SBF1: variants seen among roughly 807,000 people sequenced by gnomAD.
SBF1 encodes SET binding factor 1.
A neutral mutation model predicts 215.8 loss-of-function variants in SBF1; 65 were observed. That is an observed-to-expected ratio of 0.30 (90% CI 0.25 to 0.37). The LOEUF is 0.37. Ranked by LOEUF, SBF1 falls within the 10% of genes least tolerant of loss-of-function variation. The pLI, the probability that SBF1 is intolerant of heterozygous loss-of-function variation, is 1.00. For synonymous variants in SBF1, 1,410 were observed against 1,122.8 expected, an observed-to-expected ratio of 1.26 and a Z score of -5.11; for missense variants, 2,634 against 2,667.8, an observed-to-expected ratio of 0.99 and a Z score of 0.28.
chr22:50,459,039 A>AGGTCAGGGCACACACCT (rs1310993100), intron 28 of SBF1, among the ~76,000 whole-genome samples: 8 of 152,098 alleles, frequency 5.3e-5, no homozygotes, highest in Non-Finnish European at 1.0e-4. Context: ...GGCGGGCAGG[A>AGGTCAGGGCACACACCT]GGTCAGGGCA....
chr22:50,461,412 C>A lies in SBF1; in HGVS notation c.2839+111G>T, dbSNP rs1254332986. The A allele has an allele frequency of 3.4e-6, 5 of 1,490,318 alleles. No individual in the cohort carries two copies. The East Asian group carries it at 1.1e-4, about 34-fold the overall frequency. The allele number at this position is 1,490,318 out of a possible 1,614,324, so 92.3% of individuals were successfully genotyped here. ...GAAGGAGCAGACAAAGGCCCGTTTC[C>A]CACGGGCACCCAGAACCCCCGAGAA... On this transcript the variant is annotated intron_variant, in intron 22 of 40. Transcript: ENST00000380817.
In SBF1 at chr22:50,468,580, C is replaced by G. The variant is rs963190383; in HGVS notation, c.56-119G>C. ...GGCCCTCATCTGGCACCAGATCAGC[C>G]ACAGCTCCCTAAAAATAGCTCCGTA... is the stretch of plus-strand genomic sequence containing the variant. On this transcript the variant is annotated intron_variant, in intron 1 of 40. Transcript: ENST00000380817. 7.6e-6 allele frequency: 5 copies of G among 661,312 alleles called. No homozygotes were observed. In the Admixed American group the frequency reaches 1.6e-4, roughly 21 times the overall value. 41.0% of individuals were successfully genotyped at this position (661,312 alleles called of 1,614,324 possible).
chr22:50,474,850 C>T lies in SBF1; in HGVS notation c.-10G>A, dbSNP rs1477967999. 2 of 1,412,628 alleles carry T rather than the reference C, an allele frequency of 1.4e-6. No individual in the cohort carries two copies. The highest frequency in any genetic ancestry group is 2.9e-5 in the Admixed American group (1 of 34,662). The allele number at this position is 1,412,628 out of a possible 1,614,324, so 87.5% of individuals were successfully genotyped here. On this transcript the variant is annotated 5_prime_UTR_variant, in exon 1 of 41. Transcript: ENST00000380817. ...CCGCGAGCCGCGCCATGGCGAGGGA[C>T]GCGGGGCGGCCCGAGGGGCGCGGGC...
rs755836294 is a variant in SBF1, at chr22:50,461,867, T to C, written c.2572A>G (p.Ile858Val). ...AGGGTCTCGATGTGCATCTGGACAA[T>C]GTCTGGGGGAAGACAGTTCTCACAC... Reference protein sequence around the residue: ...LKGLHVMVPDIVQMHIETLEA... With the variant: ...LKGLHVMVPDVVQMHIETLEA... Residue 858 changes from isoleucine (I) to valine (V), a missense_variant and splice_region_variant, in exon 21 of 41, where the codon ATT becomes GTT. Physicochemically the swap from Ile to Val is conservative, Grantham distance 29. Coordinates refer to ENST00000380817, the MANE Select transcript of SBF1 (RefSeq NM_002972.4). 19 of 1,614,004 alleles carry C rather than the reference T, an allele frequency of 1.2e-5. No homozygotes were observed. The South Asian group carries it at 1.4e-4, about 12-fold the overall frequency.
At chr22:50,465,439 T>G in intron 10 of SBF1, 111 bp from the exon 11 acceptor site, 1 of 902,488 alleles carries the variant, frequency 1.1e-6, no homozygotes, top group Non-Finnish European at 1.7e-6. Context: ...GCTCCCATCC[T>G]TCTGCCCCTC....
At chr22:50,473,100 ACTCT>A (rs2068052498) in intron 1 of SBF1, among the ~76,000 whole-genome samples, 1 of 151,500 alleles carries the variant, frequency 6.6e-6, no homozygotes, top group African/African-American at 2.4e-5. Context: ...TGTGGAGCCC[ACTCT>A]GCCTCTTCTC....
intron 36 of SBF1, 65 bp downstream of exon 36, chr22:50,454,447 G>A (rs1569509879): frequency 1.2e-5 from 17 of 1,402,076 alleles, no homozygotes; most frequent in South Asian, 8.1e-5. Context: ...ACACACGCAC[G>A]ACCCTGGTGT....
rs2067812432 is a variant in SBF1 at position 50,467,362 on chromosome 22, A to G, written c.525T>C (p.Thr175=). 1.5e-5 allele frequency: 25 copies of G among 1,614,128 alleles called. No individual in the cohort carries two copies. Among genetic ancestry groups the G allele is most frequent in the Non-Finnish European group, 1.8e-5 (21 of 1,179,998 alleles). The part of the protein sequence containing the change: ...ENVIGNLLTC[T]VPLAGGSQRT... ...CCTGCGAGCCCCCAGCCAGGGGCACAGTGCACGTCAGCAGGTTCCCAATCA... is the reference window on the plus strand; with the variant it reads ...CCTGCGAGCCCCCAGCCAGGGGCACGGTGCACGTCAGCAGGTTCCCAATCA... Residue 175 remains threonine, a synonymous_variant, in exon 5 of 41, where the codon ACT becomes ACC. Coordinates refer to ENST00000380817, the MANE Select transcript of SBF1 (RefSeq NM_002972.4).
chr22:50,461,130 G>A (rs778342627), intron 23 of SBF1, 29 bp downstream of exon 23: 6 of 1,568,044 alleles, frequency 3.8e-6, no homozygotes, highest in Admixed American at 1.9e-5. Context: ...GGCGGGGGAT[G>A]AGAGCCCCAC....
At chr22:50,448,200 G>A (rs758673894) in intron 38 of SBF1, 33 bp downstream of exon 38, 3 of 1,595,944 alleles carry the variant, frequency 1.9e-6, no homozygotes, top group Non-Finnish European at 2.6e-6. Flanking sequence ...CAGCTCAGAG[G>A]TGTCCATGTG....
chr22:50,448,596 T>C lies in SBF1; in HGVS notation c.5098A>G (p.Thr1700Ala), dbSNP rs1442020258. 6.2e-7 allele frequency: 1 copy of C among 1,612,184 alleles called. No homozygotes were observed. The highest frequency in any genetic ancestry group is 8.5e-7 in the Non-Finnish European group (1 of 1,180,020). ...TGTGCAGCCTTCACCCGGTCCCAGG[T>C]GTCCTTCCAGCGCTCAGCGGGTTGG... is the stretch of plus-strand genomic sequence containing the variant. ...LGQPAERWKDTWDRVKAAQRL... is the reference protein window; with the variant it reads ...LGQPAERWKDAWDRVKAAQRL... Residue 1700 changes from threonine (T) to alanine (A), a missense_variant, in exon 37 of 41, where the codon ACC becomes GCC. Transcript: ENST00000380817.
At position 50,456,230 on chromosome 22, in the gene SBF1, C is replaced by CT; in HGVS notation, c.4251dup (p.Glu1418ArgfsTer111). 1.2e-6 allele frequency: 2 copies of CT among 1,611,962 alleles called. No homozygotes were observed. Among genetic ancestry groups the CT allele is most frequent in the Non-Finnish European group, 8.5e-7 (1 of 1,179,846 alleles). On this transcript the variant is annotated frameshift_variant, in exon 31 of 41. Coordinates refer to ENST00000380817, the MANE Select transcript of SBF1 (RefSeq NM_002972.4). LOFTEE classifies it high-confidence loss of function. ...AGTGCAGAGACCTGGATCAGCCACT[C>CT]TGAGTCCTCCAGTGAGCGCAGGAAG...
At chr22:50,473,064 G>A (rs933645100) in intron 1 of SBF1, among the ~76,000 whole-genome samples, 3 of 152,176 alleles carry the variant, frequency 2.0e-5, no homozygotes, top group Non-Finnish European at 2.9e-5. Context: ...CTCCAGCAGT[G>A]AGCACACACG....
rs761050386 is a variant in SBF1 at position 50,462,909 on chromosome 22, A to C, written c.1929T>G (p.Ile643Met). 2.5e-6 allele frequency: 4 copies of C among 1,613,254 alleles called. No individual in the cohort carries two copies. Among genetic ancestry groups the C allele is most frequent in the Non-Finnish European group, 3.4e-6 (4 of 1,179,920 alleles). ...QDCTSLDEHG[I>M]AAALLPLVTA... is the part of the protein sequence containing the mutation. Reference sequence around the variant, plus strand: ...TGACCAGAGGCAGCAGAGCCGCCGCAATGCCATGCTCGTCCAGAGAAGTGC... The same window carrying C: ...TGACCAGAGGCAGCAGAGCCGCCGCCATGCCATGCTCGTCCAGAGAAGTGC... Residue 643 changes from isoleucine (I) to methionine (M), a missense_variant, in exon 17 of 41, where the codon ATT (isoleucine) becomes ATG (methionine). Physicochemically the swap from Ile to Met is conservative, Grantham distance 10 (BLOSUM62 1). Transcript: ENST00000380817.
At position 50,459,356 on chromosome 22, in the gene SBF1, T is replaced by C; in HGVS notation, c.3725A>G (p.Glu1242Gly). Residue 1242 changes from glutamate (E) to glycine (G), a missense_variant, in exon 28 of 41, where the codon GAG becomes GGG. Glu to Gly is a moderately conservative substitution (Grantham distance 98). Coordinates refer to ENST00000380817, the MANE Select transcript of SBF1 (RefSeq NM_002972.4). ...GCTGACCACAGCCTGCAGGTACTTCTCCTGCTCCAGGCTACTCGAGTCCGC... is the reference window on the plus strand; with the variant it reads ...GCTGACCACAGCCTGCAGGTACTTCCCCTGCTCCAGGCTACTCGAGTCCGC... ...SQADSSSLEQ[E>G]KYLQAVVSSM... 6.2e-7 allele frequency: 1 copy of C among 1,612,674 alleles called. No homozygotes were observed. Among genetic ancestry groups the C allele is most frequent in the Non-Finnish European group, 8.5e-7 (1 of 1,179,550 alleles).
chr22:50,455,463 G>A lies in SBF1; in HGVS notation c.4368+18C>T. 1 of 1,611,904 alleles carries A rather than the reference G, an allele frequency of 6.2e-7. No homozygotes were observed. The highest frequency in any genetic ancestry group is 8.5e-7 in the Non-Finnish European group (1 of 1,179,182). ...GAGCCCGGGAGCCTGGCCCACCCCA[G>A]CCCCACGCGCCACACACCTGGGTGG... On this transcript the variant is annotated intron_variant, in intron 32 of 40. Transcript: ENST00000380817.
At position 50,463,308 on chromosome 22, in the gene SBF1, A is replaced by T. The variant is rs1465962338; in HGVS notation, c.1874T>A (p.Val625Asp). Residue 625 changes from valine to aspartate, a missense_variant, in exon 16 of 41, where the codon GTC becomes GAC. Transcript: ENST00000380817. ...VLDHQQFDFV[V>D]RMMNCCLQDC... ...CTGCAGGCAGCAGTTCATCATACGG[A>T]CGACAAAGTCAAACTGCTGGTGGTC... 6.2e-7 allele frequency: 1 copy of T among 1,613,554 alleles called. No homozygotes were observed. The highest frequency in any genetic ancestry group is 2.2e-5 in the East Asian group (1 of 44,886).
chr22:50,447,425 G>C lies in SBF1; in HGVS notation c.5480C>G (p.Thr1827Arg), dbSNP rs1196548454. The C allele has an allele frequency of 2.5e-6, 4 of 1,613,938 alleles. No individual in the cohort carries two copies. Among genetic ancestry groups the C allele is most frequent in the Non-Finnish European group, 3.4e-6 (4 of 1,179,942 alleles). Residue 1827 changes from threonine (T) to arginine (R), a missense_variant, in exon 40 of 41, where the codon ACA (threonine) becomes AGA (arginine). Thr to Arg is a moderately conservative substitution (Grantham distance 71). Transcript: ENST00000380817. ...QLRYYDHRVD[T>R]ECKGVIDLAE... ...CAAGTCGATGACACCCTTGCACTCT[G>C]TGTCCACACGGTGGTCGTAGTAGCG... is the stretch of plus-strand genomic sequence containing the variant.
chr22:50,450,650 C>T (rs983708007), intron 36 of SBF1, among the ~76,000 whole-genome samples: 10 of 152,328 alleles, frequency 6.6e-5, no homozygotes, highest in Admixed American at 4.6e-4. Flanking sequence ...CAACTGAAGC[C>T]CTGGAGAGGC....
Sources: allele counts gnomAD v4.1 joint callset (sites outside exome capture counted in the v4.1 genomes callset), GRCh38; gene constraint gnomAD v4.1.1; transcripts MANE v1.5; gene names NCBI Gene and HGNC (gene_info 2026-07-23, HGNC 2026-07-21).